SIDT2: variants seen among roughly 807,000 people sequenced by gnomAD.
The protein encoded by SIDT2 is SID1 transmembrane family, member 2.
SIDT2 carries 68 observed loss-of-function variants against 114.4 expected under a neutral mutation model. The ratio of observed to expected loss-of-function variants is 0.59; its 90% confidence interval spans 0.49 to 0.73. The LOEUF is 0.73. SIDT2 is among the 30% of genes least tolerant of loss of function. The probability of loss-of-function intolerance (pLI) is 0.00; values close to 1 mark genes in which losing one functional copy is unlikely to be tolerated. For missense variants in SIDT2, 918 were observed against 1,097.1 expected, an observed-to-expected ratio of 0.84 and a Z score of 2.31; for synonymous variants, 470 against 438.4, an observed-to-expected ratio of 1.07 and a Z score of -0.90.
At chr11:117,186,686 G>T (rs761678268) in intron 10 of SIDT2, 50 bp downstream of exon 10, 3 of 1,508,942 alleles carry the variant, frequency 2.0e-6, no homozygotes, top group Admixed American at 4.4e-5. Context: ...TTTGTGTTTT[G>T]GGGGGTGGTG....
chr11:117,180,479 C>T (rs2030237636), intron 1 of SIDT2, among the ~76,000 whole-genome samples: 1 of 151,564 alleles, frequency 6.6e-6, no homozygotes, highest in African/African-American at 2.4e-5. Flanking sequence ...CCTTTAAGCT[C>T]CCATTGTTTA....
chr11:117,189,449 C>T, intron 15 of SIDT2, 48 bp downstream of exon 15: 2 of 1,591,322 alleles, frequency 1.3e-6, no homozygotes, highest in Non-Finnish European at 8.6e-7. Context: ...AGGACACCGC[C>T]CCAAAGTGCA....
chr11:117,187,675 G>A lies in SIDT2; in HGVS notation c.1135G>A (p.Gly379Arg). Reference protein sequence around the residue: ...TDGLVDSAGTGDLSYGYQGRS... With the variant: ...TDGLVDSAGTRDLSYGYQGRS... ...TGGTCTGGTTGACAGCGCTGGCACT[G>A]GGGACCTCTCTTACGGTTACCAGGG... Residue 379 changes from glycine to arginine, a missense_variant, in exon 12 of 26, where the codon GGG (glycine) becomes AGG (arginine). Transcript: ENST00000324225. The A allele has an allele frequency of 1.2e-6, 2 of 1,614,070 alleles. No individual in the cohort carries two copies. Among genetic ancestry groups the A allele is most frequent in the Non-Finnish European group, 8.5e-7 (1 of 1,179,984 alleles).
At position 117,190,786 on chromosome 11, in the gene SIDT2, C is replaced by T; in HGVS notation, c.1735+46C>T. 1 of 1,467,576 alleles carries T rather than the reference C, an allele frequency of 6.8e-7. No homozygotes were observed. The highest frequency in any genetic ancestry group is 9.6e-7 in the Non-Finnish European group (1 of 1,047,026). 90.9% of individuals were successfully genotyped at this position (1,467,576 alleles called of 1,614,324 possible). The stretch of plus-strand genomic sequence containing the variant: ...TTCTGGCTCAACCTACAGCAGGGAC[C>T]TGCCTGAGTCCTTCACTATCCCCAA... On this transcript the variant is annotated intron_variant, in intron 18 of 25. Transcript: ENST00000324225. This position sits in a 1 kb window ranked among gnomAD's most constrained non-coding sequence, Gnocchi z 4.1.
At position 117,192,821 on chromosome 11, in the gene SIDT2, A is replaced by T; in HGVS notation, c.2060A>T (p.Asp687Val). ...IRQCSGPLYV[D>V]RMVLLVMGNV... Reference sequence around the variant, plus strand: ...CCCTGTGTCCCTGCTTCCCTCCAGGACCGCATGGTGCTGCTGGTCATGGGC... The same window carrying T: ...CCCTGTGTCCCTGCTTCCCTCCAGGTCCGCATGGTGCTGCTGGTCATGGGC... The change falls in exon 22 of 26, where the codon GAC (aspartate) becomes GTC (valine). Residue 687 changes from aspartate to valine, a missense_variant and splice_region_variant. Physicochemically the swap from Asp to Val is radical, Grantham distance 152 (BLOSUM62 -3). Transcript: ENST00000324225. This position sits in a 1 kb window ranked among gnomAD's most constrained non-coding sequence, Gnocchi z 5.9. The T allele has an allele frequency of 6.2e-7, 1 of 1,614,080 alleles. No individual in the cohort carries two copies. Among genetic ancestry groups the T allele is most frequent in the Non-Finnish European group, 8.5e-7 (1 of 1,180,008 alleles).
Position 117,190,812 on chromosome 11 carries a change from G to GA in SIDT2, c.1735+72_1735+73insA. The GA allele has an allele frequency of 5.7e-6, 7 of 1,233,712 alleles. No individual in the cohort carries two copies. In the South Asian group the frequency reaches 7.3e-5, roughly 13 times the overall value. The allele number at this position is 1,233,712 out of a possible 1,614,324, so 76.4% of individuals were successfully genotyped here. A position where few individuals can be genotyped will look rare whatever the true frequency, so the allele number is the denominator to read the frequency against. On this transcript the variant is annotated intron_variant, in intron 18 of 25. Coordinates refer to ENST00000324225, the MANE Select transcript of SIDT2 (RefSeq NM_001040455.2). This position sits in a 1 kb window ranked among gnomAD's most constrained non-coding sequence, Gnocchi z 4.1. Reference sequence around the variant, plus strand: ...TGCCTGAGTCCTTCACTATCCCCAAGTCACCCACAGGGATCGCTAAGACAC... The same window carrying GA: ...TGCCTGAGTCCTTCACTATCCCCAAGATCACCCACAGGGATCGCTAAGACAC...
intron 8 of SIDT2, among the ~76,000 whole-genome samples, chr11:117,184,927 A>T (rs944294192): frequency 7.2e-5 from 11 of 151,890 alleles, no homozygotes; most frequent in African/African-American, 2.7e-4. Flanking sequence ...GGGTTTCACC[A>T]TGTTGGCCAG....
At chr11:117,189,557 AC>A (rs950631250) in intron 15 of SIDT2, 156 bp downstream of exon 15, 13 of 715,038 alleles carry the variant, frequency 1.8e-5, no homozygotes, top group African/African-American at 5.4e-5. Context: ...AAATCACATA[AC>A]CCCCCCAACC....
In SIDT2 at chr11:117,181,426, T is replaced by G; in HGVS notation, c.194T>G (p.Val65Gly). 1 of 1,613,036 alleles carries G rather than the reference T, an allele frequency of 6.2e-7. No homozygotes were observed. The highest frequency in any genetic ancestry group is 8.5e-7 in the Non-Finnish European group (1 of 1,179,810). ...CATGTCGTTCTGCAGACAGAGGGCG[T>G]GCGTGTGTCTGTGAACGTCCTGAAC... is the stretch of plus-strand genomic sequence containing the variant. ...HTVTRNRTEG[V>G]RVSVNVLNKQ... The change falls in exon 2 of 26, where the codon GTG becomes GGG. Residue 65 changes from valine to glycine, a missense_variant. Transcript: ENST00000324225.
intron 23 of SIDT2, 63 bp downstream of exon 23, chr11:117,193,321 C>A: frequency 7.2e-7 from 1 of 1,388,940 alleles, no homozygotes; most frequent in South Asian, 1.3e-5. Flanking sequence ...AGAGATGGGC[C>A]CGGCAGCATT....
rs750232812 is a variant in SIDT2, at chr11:117,179,244, A to G, written c.-20A>G. 7.5e-6 allele frequency: 12 copies of G among 1,601,618 alleles called. No homozygotes were observed. Among genetic ancestry groups the G allele is most frequent in the Admixed American group, 1.7e-5 (1 of 57,216 alleles). The stretch of plus-strand genomic sequence containing the variant: ...CGCCGCCGCCGCCACCACCGCTGCC[A>G]CTGCCGCCCTGCCGGGGCCATGTTC... On this transcript the variant is annotated 5_prime_UTR_variant, in exon 1 of 26. Coordinates refer to ENST00000324225, the MANE Select transcript of SIDT2 (RefSeq NM_001040455.2).
chr11:117,184,009 C>G (rs2030399872), intron 7 of SIDT2, 65 bp from the exon 8 acceptor site: 2 of 1,586,672 alleles, frequency 1.3e-6, no homozygotes, highest in African/African-American at 2.7e-5. Context: ...TCTCAAAGGC[C>G]TGATCCCACT....
rs1220593641 is a variant in SIDT2, at chr11:117,190,863, G to A, written c.1735+123G>A. Reference sequence around the variant, plus strand: ...CCCTGTAGGAAACTCCAAGGCTGGCGTGCCTGGGTGTGCACACATCCTAGC... The same window carrying A: ...CCCTGTAGGAAACTCCAAGGCTGGCATGCCTGGGTGTGCACACATCCTAGC... On this transcript the variant is annotated intron_variant, in intron 18 of 25. Coordinates refer to ENST00000324225, the MANE Select transcript of SIDT2 (RefSeq NM_001040455.2). The surrounding 1 kb of genome is among the most constrained non-coding windows in gnomAD (Gnocchi z 4.1). 9 of 714,930 alleles carry A rather than the reference G, an allele frequency of 1.3e-5. No individual in the cohort carries two copies. Among genetic ancestry groups the A allele is most frequent in the African/African-American group, 8.7e-5 (5 of 57,674 alleles). The allele number at this position is 714,930 out of a possible 1,614,324, so 44.3% of individuals were successfully genotyped here.
chr11:117,194,214 C>T (rs923984650), intron 24 of SIDT2: 18 of 364,910 alleles, frequency 4.9e-5, no homozygotes, highest in African/African-American at 2.7e-4. Flanking sequence ...ACCTCGGAAG[C>T]GGAGGCAAGA....
In SIDT2 at chr11:117,191,990, C is replaced by T. The variant is rs752127538; in HGVS notation, c.1848C>T (p.Val616=). ...AYSAYACLAI[V]IFFSVLGVVF... ...GTGCCTACGCCTGCCTGGCCATTGT[C>T]ATCTTCTTCTCTGTGCTGGGCGTGG... Residue 616 remains valine, a synonymous_variant, in exon 19 of 26, where the codon GTC becomes GTT. Coordinates refer to ENST00000324225, the MANE Select transcript of SIDT2 (RefSeq NM_001040455.2). 10 of 1,614,178 alleles carry T rather than the reference C, an allele frequency of 6.2e-6. No homozygotes were observed. Among genetic ancestry groups the T allele is most frequent in the South Asian group, 1.1e-5 (1 of 91,084 alleles).
chr11:117,183,409 G>A (rs1472772009), intron 6 of SIDT2, among the ~76,000 whole-genome samples: 2 of 151,798 alleles, frequency 1.3e-5, no homozygotes, highest in African/African-American at 2.4e-5. Flanking sequence ...AGGCTGAGGC[G>A]GGCAGATCAC....
intron 10 of SIDT2, 97 bp from the exon 11 acceptor site, chr11:117,187,281 C>CCT: frequency 8.1e-7 from 1 of 1,233,578 alleles, no homozygotes; most frequent in Non-Finnish European, 1.2e-6. Context: ...GCATGGCCTC[C>CCT]CTGTGGCTGT....
At chr11:117,191,855 C>A (rs1403203089) in intron 18 of SIDT2, 23 bp from the exon 19 acceptor site, 1 of 1,611,334 alleles carries the variant, frequency 6.2e-7, no homozygotes, top group East Asian at 2.2e-5. Flanking sequence ...TTCTGCAGCT[C>A]CCTTCCGTGT....
At position 117,186,641 on chromosome 11, in the gene SIDT2, C is replaced by T. The variant is rs756065989; in HGVS notation, c.1015+5C>T. 15 of 1,559,888 alleles carry T rather than the reference C, an allele frequency of 9.6e-6. No individual in the cohort carries two copies. Among genetic ancestry groups the T allele is most frequent in the Non-Finnish European group, 1.3e-5 (15 of 1,157,216 alleles). On this transcript the variant is annotated splice_donor_5th_base_variant and intron_variant, in intron 10 of 25. Transcript: ENST00000324225. The stretch of plus-strand genomic sequence containing the variant: ...ACCGAGCCTGCCCAGAAAGCGGTAC[C>T]TCCAGGGGGCCTGGGTGGGGCGGGC...
Sources: allele counts gnomAD v4.1 joint callset (sites outside exome capture counted in the v4.1 genomes callset), GRCh38; gene constraint gnomAD v4.1.1; non-coding constraint Gnocchi (gnomAD v3.1); transcripts MANE v1.5; gene names NCBI Gene and HGNC (gene_info 2026-07-23, HGNC 2026-07-21).